Variants in DENND4C observed in about 807,000 individuals in gnomAD.
DENND4C encodes the protein DENN domain containing 4C, also known as DENN domain-containing protein 4C.
A neutral mutation model predicts 203.0 loss-of-function variants in DENND4C; 108 were observed. The observed-to-expected ratio is 0.53, with a 90% confidence interval of 0.46 to 0.62. The LOEUF is 0.62. Among genes scored for constraint, DENND4C ranks in the 20% least tolerant of loss-of-function variants. The pLI is 0.00. For missense variants in DENND4C, 2,481 were observed against 2,301.2 expected (o/e 1.08, Z -1.60); for synonymous variants, 871 against 792.4 (o/e 1.10, Z -1.67).
chr9:19,288,578 CTAAT>C lies in DENND4C; in HGVS notation c.559-16_559-13del. On this transcript the variant is annotated splice_polypyrimidine_tract_variant and intron_variant, in intron 3 of 32. Coordinates refer to ENST00000434457, the MANE Select transcript of DENND4C (RefSeq NM_001330640.2). ...TCACTCTTTTGTCTTTTTTATAAAC[CTAAT>C]TCATGTTTTACAGTGGGGTTCCAGC... is the stretch of plus-strand genomic sequence containing the variant. The C allele has an allele frequency of 1.6e-6, 2 of 1,227,386 alleles. No homozygotes were observed. The highest frequency in any genetic ancestry group is 2.0e-6 in the Non-Finnish European group (2 of 984,082). 76.0% of individuals were successfully genotyped at this position (1,227,386 alleles called of 1,614,324 possible).
At chr9:19,336,118 A>T in intron 18 of DENND4C, 152 bp from the exon 19 acceptor site, 1 of 573,514 alleles carries the variant, frequency 1.7e-6, no homozygotes, top group South Asian at 4.3e-5. Context: ...ATGTTTAGTA[A>T]TGTTTAGCAT....
chr9:19,264,318 G>A (rs549229195), intron 1 of DENND4C, among the ~76,000 whole-genome samples: 1 of 137,216 alleles, frequency 7.3e-6, no homozygotes, highest in African/African-American at 2.7e-5. Flanking sequence ...TTTTTTTTTT[G>A]AGACGGAGTC....
chr9:19,241,514 C>CTTT (rs71496809), intron 1 of DENND4C, among the ~76,000 whole-genome samples: 1 of 143,318 alleles, frequency 7.0e-6, no homozygotes, highest in Non-Finnish European at 1.5e-5. Context: ...TTTCGTTTTT[C>CTTT]TTTTTTTTTT....
intron 5 of DENND4C, among the ~76,000 whole-genome samples, chr9:19,295,522 A>C (rs999851275): frequency 3.3e-5 from 5 of 151,902 alleles, no homozygotes; most frequent in Non-Finnish European, 7.4e-5. Context: ...AAGGAAAAAA[A>C]AAATTAGCCA....
At chr9:19,365,678 CTAACA>C (rs1223491384) in intron 30 of DENND4C, among the ~76,000 whole-genome samples, 1 of 116,326 alleles carries the variant, frequency 8.6e-6, no homozygotes, top group Non-Finnish European at 2.0e-5. Flanking sequence ...AGACACACAC[CTAACA>C]TATTATTATA....
At chr9:19,274,328 T>C (rs2130882044) in intron 1 of DENND4C, among the ~76,000 whole-genome samples, 1 of 151,960 alleles carries the variant, frequency 6.6e-6, no homozygotes, top group East Asian at 1.9e-4. Context: ...GGAATTTTGC[T>C]CTTGTTGCCC....
intron 7 of DENND4C, 29 bp from the exon 8 acceptor site, chr9:19,299,200 G>A: frequency 6.8e-7 from 1 of 1,480,494 alleles, no homozygotes; most frequent in Non-Finnish European, 9.1e-7. Context: ...ATTTATCTTT[G>A]GTTAATTTAT....
chr9:19,327,884 A>G, intron 15 of DENND4C, 146 bp from the exon 16 acceptor site: 1 of 765,360 alleles, frequency 1.3e-6, no homozygotes, highest in Non-Finnish European at 1.9e-6. Context: ...ATCATTTAAA[A>G]ATTTTGAAAA....
chr9:19,280,711 TA>T (rs1303705865), intron 2 of DENND4C, among the ~76,000 whole-genome samples: 7 of 151,894 alleles, frequency 4.6e-5, no homozygotes, highest in African/African-American at 1.7e-4. Context: ...TTTTTTTAAT[TA>T]AAAAAATTGT....
intron 4 of DENND4C, among the ~76,000 whole-genome samples, chr9:19,289,553 G>A (rs747732508): frequency 2.0e-5 from 3 of 152,116 alleles, no homozygotes; most frequent in Non-Finnish European, 4.4e-5. Context: ...TGTAGGCTGG[G>A]CATGGTGGCT....
intron 9 of DENND4C, among the ~76,000 whole-genome samples, chr9:19,304,713 CTTTT>C (rs766700841): frequency 7.5e-6 from 1 of 133,184 alleles, no homozygotes; most frequent in Admixed American, 7.6e-5. Context: ...ATTTTTTGTA[CTTTT>C]TTTTTTTTTT....
chr9:19,274,230 C>G (rs1273889288), intron 1 of DENND4C, among the ~76,000 whole-genome samples: 1 of 151,740 alleles, frequency 6.6e-6, no homozygotes, highest in Non-Finnish European at 1.5e-5. Flanking sequence ...AAGCTGATAA[C>G]TTGTTGCCTG....
At chr9:19,280,983 T>G (rs1833936960) in intron 2 of DENND4C, among the ~76,000 whole-genome samples, 1 of 152,088 alleles carries the variant, frequency 6.6e-6, no homozygotes, top group African/African-American at 2.4e-5. Flanking sequence ...TCAAGCAATC[T>G]GCTCACCTCG....
chr9:19,366,733 G>C (rs925923393), intron 30 of DENND4C, among the ~76,000 whole-genome samples: 1 of 152,162 alleles, frequency 6.6e-6, no homozygotes, highest in African/African-American at 2.4e-5. Flanking sequence ...AAATGTAAGA[G>C]CTAAAACTAT....
At chr9:19,323,248 A>G (rs1018718719) in intron 12 of DENND4C, among the ~76,000 whole-genome samples, 6 of 152,200 alleles carry the variant, frequency 3.9e-5, no homozygotes, top group African/African-American at 1.2e-4. Context: ...CCTGGCCAAC[A>G]TGGTGAAACC....
intron 24 of DENND4C, among the ~76,000 whole-genome samples, chr9:19,351,790 G>C (rs1824185696): frequency 6.8e-6 from 1 of 146,110 alleles, no homozygotes; most frequent in African/African-American, 2.6e-5. Context: ...CTGGGCAACA[G>C]AGCGAGACTC....
intron 16 of DENND4C, among the ~76,000 whole-genome samples, chr9:19,330,480 C>T (rs1023047295): frequency 4.6e-5 from 7 of 151,472 alleles, no homozygotes; most frequent in Non-Finnish European, 1.0e-4. Flanking sequence ...GCTGGGATTA[C>T]AGGCGCCCAC....
intron 30 of DENND4C, among the ~76,000 whole-genome samples, chr9:19,365,254 A>G (rs1827393950): frequency 6.6e-6 from 1 of 152,236 alleles, no homozygotes; most frequent in African/African-American, 2.4e-5. Flanking sequence ...TTAACATTTG[A>G]AAATCAATTG....
At chr9:19,265,508 G>T (rs1830310428) in intron 1 of DENND4C, among the ~76,000 whole-genome samples, 1 of 151,612 alleles carries the variant, frequency 6.6e-6, no homozygotes, top group Non-Finnish European at 1.5e-5. Context: ...CAACATGCAG[G>T]TTTGTTACAT....
Sources: gnomAD v4.1 joint callset for allele counts (sites outside exome capture counted in the v4.1 genomes callset) on GRCh38, gnomAD v4.1.1 for gene constraint, MANE v1.5 for transcripts, NCBI Gene and HGNC (gene_info 2026-07-23, HGNC 2026-07-21) for gene names.